Variants in PSG9 observed in about 807,000 individuals in gnomAD.
PSG9 encodes pregnancy-specific beta-1-glycoprotein 9.
PSG9 carries 49 observed loss-of-function variants against 41.9 expected under a neutral mutation model. That is an observed-to-expected ratio of 1.17 (90% CI 0.93 to 1.48). The LOEUF (loss-of-function observed/expected upper bound fraction) is 1.48, where lower values mean the gene tolerates loss of function less well. PSG9 is among the 40% of genes most tolerant of loss of function. The pLI is 0.00. For missense variants in PSG9, 641 were observed against 520.3 expected (o/e 1.23, Z -2.26); for synonymous variants, 263 against 196.8 (o/e 1.34, Z -2.82).
chr19:43,266,801 C>A (rs1211050806), intron 2 of PSG9, among the ~76,000 whole-genome samples: 1 of 152,096 alleles, frequency 6.6e-6, no homozygotes, highest in East Asian at 1.9e-4. Flanking sequence ...GCAGACAGAC[C>A]TCATGTGACC....
Position 43,268,780 on chromosome 19 carries a change from T to C in PSG9, c.64+588A>G, listed in dbSNP as rs202028312. 1.9e-3 allele frequency among the ~76,000 whole-genome samples: 280 copies of C among 150,696 alleles called. 2 individuals are homozygous for C. The highest frequency in any genetic ancestry group is 6.0e-3 in the African/African-American group (246 of 40,942). On this transcript the variant is annotated intron_variant, in intron 1 of 5. Coordinates refer to ENST00000270077, the MANE Select transcript of PSG9 (RefSeq NM_002784.5). Reference sequence around the variant, plus strand: ...AATTGTTGAGGTTTTTTGCTGAGGATAGTGTTTCATGTCCTGCTTATATTT... The same window carrying C: ...AATTGTTGAGGTTTTTTGCTGAGGACAGTGTTTCATGTCCTGCTTATATTT...
intron 1 of PSG9, among the ~76,000 whole-genome samples, chr19:43,268,650 C>T (rs1433129706): frequency 6.6e-6 from 1 of 152,176 alleles, no homozygotes; most frequent in Non-Finnish European, 1.5e-5. Context: ...AGGACAGGGA[C>T]TTTTGTGATC....
chr19:43,259,332 G>A (rs1968601047), intron 3 of PSG9, 197 bp from the exon 4 acceptor site: 5 of 1,072,034 alleles, frequency 4.7e-6, no homozygotes, highest in Non-Finnish European at 5.1e-6. Flanking sequence ...CTCTGTCTTA[G>A]GGAAGCACAG....
At chr19:43,257,759 C>T (rs1369346904) in intron 5 of PSG9, 2 of 1,250,036 alleles carry the variant, frequency 1.6e-6, no homozygotes, top group Non-Finnish European at 2.0e-6. Context: ...CCTCCCTCAC[C>T]CAAGGGGCTT....
intron 2 of PSG9, among the ~76,000 whole-genome samples, chr19:43,263,467 G>A (rs1044354184): frequency 3.3e-5 from 5 of 152,038 alleles, no homozygotes; most frequent in African/African-American, 9.7e-5. Context: ...GGTCAGAAGT[G>A]TTGACTTTTG....
chr19:43,266,553 G>C (rs199657535), intron 2 of PSG9, among the ~76,000 whole-genome samples: 1 of 151,948 alleles, frequency 6.6e-6, no homozygotes. Flanking sequence ...AGGATTTCAC[G>C]TTCAGTGATG....
rs765032250 is a variant in PSG9, at chr19:43,253,670, A to C, written c.1244-24T>G. On this transcript the variant is annotated intron_variant, in intron 5 of 5. Coordinates refer to ENST00000270077, the MANE Select transcript of PSG9 (RefSeq NM_002784.5). ...ACCTGATTGACAGAAGGCCCAGGTC[A>C]GTGCATTTCAAATTCACTACCTCCT... The C allele has an allele frequency of 2.9e-5, 35 of 1,221,190 alleles. No homozygotes were observed. In the South Asian group the frequency reaches 4.0e-4, roughly 14 times the overall value. 75.6% of individuals were successfully genotyped at this position (1,221,190 alleles called of 1,614,324 possible).
rs1356666095 is a variant in PSG9, at chr19:43,267,770, G to T, written c.430+14C>A. 6.2e-7 allele frequency: 1 copy of T among 1,612,598 alleles called. No homozygotes were observed. Among genetic ancestry groups the T allele is most frequent in the Non-Finnish European group, 8.5e-7 (1 of 1,179,152 alleles). ...CTTCCCCCCAACACCCAGGGATCAT[G>T]TGGAATCACTCACAGTATAAGGTGA... On this transcript the variant is annotated intron_variant, in intron 2 of 5. Transcript: ENST00000270077.
chr19:43,268,871 T>C (rs1354403979), intron 1 of PSG9, among the ~76,000 whole-genome samples: 1 of 152,194 alleles, frequency 6.6e-6, no homozygotes, highest in Non-Finnish European at 1.5e-5. Flanking sequence ...CCCCGGATGA[T>C]TAATCAGGAA....
At position 43,258,495 on chromosome 19, in the gene PSG9, G is replaced by C. The variant is rs757145551; in HGVS notation, c.989-39C>G. The C allele has an allele frequency of 9.2e-6, 14 of 1,526,170 alleles. 3 individuals carry two copies. The East Asian group carries it at 3.5e-4, about 38-fold the overall frequency. The allele number at this position is 1,526,170 out of a possible 1,614,324, so 94.5% of individuals were successfully genotyped here. The stretch of plus-strand genomic sequence containing the variant: ...AATAAAGCCACACGTGATGTCATTC[G>C]AGGGAAGGGGATGTTCCTGGTCTCT... On this transcript the variant is annotated intron_variant, in intron 4 of 5. Coordinates refer to ENST00000270077, the MANE Select transcript of PSG9 (RefSeq NM_002784.5).
At position 43,268,013 on chromosome 19, in the gene PSG9, C is replaced by T. The variant is rs1969059996; in HGVS notation, c.201G>A (p.Trp67Ter). The T allele has an allele frequency of 2.5e-6, 4 of 1,613,766 alleles. No homozygotes were observed. In the East Asian group the frequency reaches 8.9e-5, roughly 36 times the overall value. ...AGAGGTCCGTCATTTCCCCTTTGTA[C>T]CAGAAGTAGCCAGGAAGATTCTGGG... ...NLPQNLPGYF[W>*]YKGEMTDLYH... Residue 67 changes from tryptophan (W) to a stop codon, truncating the protein, a stop_gained, in exon 2 of 6, where the codon TGG becomes TGA. Coordinates refer to ENST00000270077, the MANE Select transcript of PSG9 (RefSeq NM_002784.5). LOFTEE classifies it high-confidence loss of function.
chr19:43,260,047 G>A (rs1599825140), intron 3 of PSG9: 1 of 146,634 alleles, frequency 6.8e-6, no homozygotes, highest in African/African-American at 2.6e-5. Flanking sequence ...GACAAACTTG[G>A]AGAGAAGTTT....
Position 43,258,699 on chromosome 19 carries a change from C to T in PSG9, c.988+158G>A, listed in dbSNP as rs535207395. ...CCTTATATTCTTGGTTAAGGCTGTG[C>T]CTACCCAGGTTTTCCCAGGGCAGGG... On this transcript the variant is annotated intron_variant, in intron 4 of 5. Transcript: ENST00000270077. Among the ~76,000 whole-genome samples the T allele has an allele frequency of 1.5e-4, 22 of 146,178 alleles. 3 individuals are homozygous for T. Among genetic ancestry groups the T allele is most frequent in the Admixed American group, 1.2e-3 (17 of 14,658 alleles).
Position 43,269,056 on chromosome 19 carries a change from G to A in PSG9, c.64+312C>T, listed in dbSNP as rs181539224. Among the ~76,000 whole-genome samples the A allele has an allele frequency of 6.9e-3, 1,049 of 151,860 alleles. 13 individuals carry two copies. The highest frequency in any genetic ancestry group is 0.013 in the Non-Finnish European group (852 of 67,932). On this transcript the variant is annotated intron_variant, in intron 1 of 5. Transcript: ENST00000270077. ...GTCTCGTACTGTCGCCCAGGCTGGC[G>A]TGCAGTGGCGGTATCTCGGCTAGCT... is the stretch of plus-strand genomic sequence containing the variant.
At chr19:43,262,576 T>C (rs1243286387) in intron 2 of PSG9, among the ~76,000 whole-genome samples, 1 of 152,164 alleles carries the variant, frequency 6.6e-6, no homozygotes, top group Admixed American at 6.5e-5. Context: ...ATCCTAGAGA[T>C]GGGTGATGGA....
Position 43,267,869 on chromosome 19 carries a change from C to G in PSG9, c.345G>C (p.Lys115Asn). ...TGTGTAAGGTGTAGGTTCCTGCATC[C>G]TTCCGGGTGACATTCTGGATCAGCA... ...ASLLIQNVTR[K>N]DAGTYTLHII... Residue 115 changes from lysine (K) to asparagine (N), a missense_variant, in exon 2 of 6, where the codon AAG (lysine) becomes AAC (asparagine). Physicochemically the swap from Lys to Asn is moderately conservative, Grantham distance 94. Coordinates refer to ENST00000270077, the MANE Select transcript of PSG9 (RefSeq NM_002784.5). 6.2e-7 allele frequency: 1 copy of G among 1,613,802 alleles called. No homozygotes were observed. The highest frequency in any genetic ancestry group is 8.5e-7 in the Non-Finnish European group (1 of 1,179,762).
intron 2 of PSG9, among the ~76,000 whole-genome samples, chr19:43,263,599 A>T (rs1968829672): frequency 6.6e-6 from 1 of 152,060 alleles, no homozygotes; most frequent in Admixed American, 6.5e-5. Flanking sequence ...AACAAAAAAA[A>T]AAAAAAATTT....
rs551039226 is a variant in PSG9, at chr19:43,268,144, G to A, written c.70C>T (p.Leu24Phe). 1.1e-5 allele frequency: 17 copies of A among 1,601,722 alleles called. No homozygotes were observed. The African/African-American group carries it at 2.1e-4, about 20-fold the overall frequency. Residue 24 changes from leucine (L) to phenylalanine (F), a missense_variant, in exon 2 of 6, where the codon CTT (leucine) becomes TTT (phenylalanine). By Grantham distance (22) the Leu-to-Phe change is conservative. Transcript: ENST00000270077. ...GTGGGCGGGTTCCAGAAGTTTAAAA[G>A]TGATGCTAGGAGGGGGAGACAGCAT... Reference protein sequence around the residue: ...TWKGLLLTASLLNFWNPPTTA... With the variant: ...TWKGLLLTASFLNFWNPPTTA...
At chr19:43,261,795 C>CCTGGCCT (rs1207007233) in intron 3 of PSG9, 65 bp downstream of exon 3, 1 of 1,613,814 alleles carries the variant, frequency 6.2e-7, no homozygotes, top group African/African-American at 1.3e-5. Context: ...GACTGAGAGG[C>CCTGGCCT]CTGGCCTCTG....
Sources: allele counts gnomAD v4.1 joint callset (sites outside exome capture counted in the v4.1 genomes callset), GRCh38; gene constraint gnomAD v4.1.1; transcripts MANE v1.5; gene names NCBI Gene and HGNC (gene_info 2026-07-23, HGNC 2026-07-21).